Variants in NAV1 observed in about 807,000 individuals in gnomAD.
NAV1 encodes pore membrane and/or filament interacting like protein 3.
Under a neutral mutation model 175.2 loss-of-function variants are expected in NAV1, and 18 were observed. The ratio of observed to expected loss-of-function variants is 0.10; its 90% confidence interval spans 0.07 to 0.15. The LOEUF (loss-of-function observed/expected upper bound fraction) is 0.15, where lower values mean the gene tolerates loss of function less well. Ranked by LOEUF, NAV1 falls within the 10% of genes least tolerant of loss-of-function variation. The probability of loss-of-function intolerance (pLI) is 1.00; values close to 1 mark genes in which losing one functional copy is unlikely to be tolerated. For synonymous variants in NAV1, 897 were observed against 978.7 expected (o/e 0.92, Z 1.56); for missense variants, 1,731 against 2,436.6 (o/e 0.71, Z 6.10).
chr1:201,597,980 C>T (rs576150023), intron 2 of NAV1, among the ~76,000 whole-genome samples: 3 of 152,304 alleles, frequency 2.0e-5, no homozygotes, highest in East Asian at 1.9e-4. Flanking sequence ...GATGCCTGGG[C>T]GTCAAGATGT....
At chr1:201,640,968 C>T (rs1386841934) in intron 2 of NAV1, among the ~76,000 whole-genome samples, 9 of 152,214 alleles carry the variant, frequency 5.9e-5, no homozygotes, top group Non-Finnish European at 1.0e-4. Flanking sequence ...CAGCCCTGAA[C>T]ATTAGGAAAT....
At chr1:201,596,814 T>G (rs543851565) in intron 2 of NAV1, among the ~76,000 whole-genome samples, 4 of 107,592 alleles carry the variant, frequency 3.7e-5, no homozygotes, top group African/African-American at 1.5e-4. Flanking sequence ...TTGTTTGTTT[T>G]TTGTTTGTTT....
rs1297523925 is a variant in NAV1, at chr1:201,740,536, C to T, written c.1226+21781C>T. Among the ~76,000 whole-genome samples, 1 of 152,018 alleles carries T rather than the reference C, an allele frequency of 6.6e-6. No homozygotes were observed. Among genetic ancestry groups the T allele is most frequent in the East Asian group, 1.9e-4 (1 of 5,164 alleles). On this transcript the variant is annotated intron_variant, in intron 3 of 29. Transcript: ENST00000367296. This position sits in a 1 kb window ranked among gnomAD's most constrained non-coding sequence, Gnocchi z 4.7. ...AGCCCCAGGTCGGCCCTGCCAAGGT[C>T]ACCCTAGTTCCGGAAGCTCCGGGGG...
At chr1:201,628,879 A>G (rs1174046477) in intron 1 of NAV1, among the ~76,000 whole-genome samples, 1 of 152,140 alleles carries the variant, frequency 6.6e-6, no homozygotes, top group Non-Finnish European at 1.5e-5. Context: ...CTGTGATTGC[A>G]GCTGAGCCTA....
chr1:201,666,625 C>T (rs1328807842), intron 1 of NAV1, among the ~76,000 whole-genome samples: 1 of 152,166 alleles, frequency 6.6e-6, no homozygotes, highest in Non-Finnish European at 1.5e-5. Context: ...TGCCTATCTC[C>T]CCAGCAGCCC....
At chr1:201,729,910 A>T (rs986953465) in intron 3 of NAV1, among the ~76,000 whole-genome samples, 1 of 152,224 alleles carries the variant, frequency 6.6e-6, no homozygotes, top group African/African-American at 2.4e-5. Context: ...TCTTAAAAAA[A>T]AAATAAAAGA....
chr1:201,560,997 C>G (rs940531674), intron 1 of NAV1, among the ~76,000 whole-genome samples: 1 of 152,244 alleles, frequency 6.6e-6, no homozygotes, highest in Non-Finnish European at 1.5e-5. Flanking sequence ...ACTCTTTCCA[C>G]AGGTACCAGG....
At chr1:201,693,093 G>A (rs1477741139) in intron 1 of NAV1, among the ~76,000 whole-genome samples, 3 of 152,178 alleles carry the variant, frequency 2.0e-5, no homozygotes, top group African/African-American at 7.2e-5. Context: ...GTGGGTGGAG[G>A]AGGTGCCATC....
chr1:201,683,082 C>T (rs1017407696), intron 1 of NAV1, among the ~76,000 whole-genome samples: 4 of 152,196 alleles, frequency 2.6e-5, no homozygotes, highest in African/African-American at 9.7e-5. Context: ...TAGGATAACA[C>T]ATTACTCTCA....
chr1:201,546,243 G>T (rs911232717), intron 1 of NAV1, among the ~76,000 whole-genome samples: 1 of 152,188 alleles, frequency 6.6e-6, no homozygotes, highest in Admixed American at 6.5e-5. Context: ...GCACTATTGC[G>T]TGCTGCCCGT....
At position 201,699,467 on chromosome 1, in the gene NAV1, C is replaced by A. The variant is rs1671322487; in HGVS notation, c.758-13350C>A. Among the ~76,000 whole-genome samples, 3 of 152,318 alleles carry A rather than the reference C, an allele frequency of 2.0e-5. No individual in the cohort carries two copies. In the South Asian group the frequency reaches 6.2e-4, roughly 32 times the overall value. ...GATACAAACAAATGGAAGAACATTC[C>A]ATGCTCATGGATAGGAAGAATCAAT... is the stretch of plus-strand genomic sequence containing the variant. On this transcript the variant is annotated intron_variant, in intron 1 of 29. Coordinates refer to ENST00000367296, the Ensembl canonical transcript of NAV1.
At chr1:201,642,557 T>TTTCTTTCTTTCTTTTC (rs1571858664) in intron 2 of NAV1, among the ~76,000 whole-genome samples, 1 of 106,018 alleles carries the variant, frequency 9.4e-6, no homozygotes, top group Non-Finnish European at 1.9e-5. Context: ...TTCTTTCTTT[T>TTTCTTTCTTTCTTTTC]TTCCCTTTCT....
intron 3 of NAV1, chr1:201,739,761 G>T (rs1673282718): frequency 1.7e-6 from 2 of 1,200,368 alleles, no homozygotes; most frequent in Non-Finnish European, 2.1e-6. Flanking sequence ...TAAAGAGCCC[G>T]CTCGCAGCCT....
At chr1:201,700,347 A>T (rs1364072461) in intron 1 of NAV1, among the ~76,000 whole-genome samples, 1 of 152,236 alleles carries the variant, frequency 6.6e-6, no homozygotes, top group East Asian at 1.9e-4. Context: ...GCTCATCATC[A>T]CTGGGTCATC....
intron 3 of NAV1, among the ~76,000 whole-genome samples, chr1:201,771,080 G>T (rs1453532685): frequency 3.3e-5 from 5 of 152,030 alleles, no homozygotes; most frequent in Non-Finnish European, 7.4e-5. Context: ...GGCATAGAGA[G>T]ATCTCTGGGG....
At chr1:201,699,955 G>C (rs1671345579) in intron 1 of NAV1, among the ~76,000 whole-genome samples, 1 of 152,202 alleles carries the variant, frequency 6.6e-6, no homozygotes, top group Non-Finnish European at 1.5e-5. Context: ...ATGGATTAAA[G>C]ACTTACATGT....
rs549274966 is a variant in NAV1 at position 201,767,013 on chromosome 1, G to A, written c.1227-13408G>A. On this transcript the variant is annotated intron_variant, in intron 3 of 29. Coordinates refer to ENST00000367296, the Ensembl canonical transcript of NAV1. Reference sequence around the variant, plus strand: ...ATTTTTGTATTTTTAGTAGAGACAGGGTTTCACGATGTTGGCCAGGATGGT... The same window carrying A: ...ATTTTTGTATTTTTAGTAGAGACAGAGTTTCACGATGTTGGCCAGGATGGT... 7.3e-5 allele frequency among the ~76,000 whole-genome samples: 11 copies of A among 151,544 alleles called. No individual in the cohort carries two copies. In the South Asian group the frequency reaches 1.9e-3, roughly 26 times the overall value.
At chr1:201,582,551 C>T (rs1274557649) in intron 1 of NAV1, among the ~76,000 whole-genome samples, 1 of 152,198 alleles carries the variant, frequency 6.6e-6, no homozygotes, top group East Asian at 1.9e-4. Context: ...CTGGGACAGT[C>T]AGCCTACAGG....
intron 2 of NAV1, among the ~76,000 whole-genome samples, chr1:201,715,451 C>A (rs529872568): frequency 6.6e-6 from 1 of 152,220 alleles, no homozygotes; most frequent in African/African-American, 2.4e-5. Context: ...TGAGCCACCA[C>A]GCCCTGCCGG....
Sources: gnomAD v4.1 joint callset for allele counts (sites outside exome capture counted in the v4.1 genomes callset) on GRCh38, gnomAD v4.1.1 for gene constraint, Gnocchi (gnomAD v3.1) non-coding constraint, MANE v1.5 for transcripts, NCBI Gene and HGNC (gene_info 2026-07-23, HGNC 2026-07-21) for gene names.